TDP1: variants seen among roughly 807,000 people sequenced by gnomAD.
TDP1 encodes tyr-DNA phosphodiesterase 1.
TDP1 carries 64 observed loss-of-function variants against 81.5 expected under a neutral mutation model. The ratio of observed to expected loss-of-function variants is 0.79; its 90% confidence interval spans 0.64 to 0.97. The LOEUF (loss-of-function observed/expected upper bound fraction) is 0.97. Ranked by LOEUF, TDP1 falls within the 50% of genes least tolerant of loss-of-function variation. TDP1 has a pLI of 0.00. For missense variants in TDP1, 723 were observed against 743.8 expected, an observed-to-expected ratio of 0.97 and a Z score of 0.33; for synonymous variants, 256 against 264.3, an observed-to-expected ratio of 0.97 and a Z score of 0.30.
At chr14:89,957,900 G>A (rs1891845985) in intron 2 of TDP1, among the ~76,000 whole-genome samples, 1 of 152,184 alleles carries the variant, frequency 6.6e-6, no homozygotes, top group Admixed American at 6.5e-5. Flanking sequence ...GCTGCAGGAG[G>A]TGCCCTGCCC....
chr14:90,002,819 G>A (rs115356876), intron 14 of TDP1, among the ~76,000 whole-genome samples: 5,952 of 152,126 alleles, frequency 0.039, 384 homozygotes, highest in African/African-American at 0.13. Flanking sequence ...GCTGCAGTGA[G>A]TCATGATGGC....
chr14:90,036,816 T>TA (rs10645574), intron 16 of TDP1, among the ~76,000 whole-genome samples: 24,447 of 131,544 alleles, frequency 0.19, 5,585 homozygotes, highest in African/African-American at 0.55. Flanking sequence ...CCCCGCCCCT[T>TA]AAAAAAAAAA....
chr14:90,032,267 C>G (rs1887364631), intron 15 of TDP1, among the ~76,000 whole-genome samples: 2 of 152,138 alleles, frequency 1.3e-5, no homozygotes, highest in Admixed American at 1.3e-4. Context: ...AGTTGCACCT[C>G]AGTCTTTGTT....
chr14:90,033,307 C>A (rs1346958626), intron 16 of TDP1, 93 bp downstream of exon 16: 1 of 788,328 alleles, frequency 1.3e-6, no homozygotes. Flanking sequence ...GGGATCCTGG[C>A]TCATGGAACC....
chr14:89,988,515 G>A (rs1895819881), intron 10 of TDP1: 1 of 849,496 alleles, frequency 1.2e-6, no homozygotes, highest in Non-Finnish European at 1.4e-6. Flanking sequence ...CAGGGATGAA[G>A]ACCAAATACA....
intron 13 of TDP1, 30 bp from the exon 14 acceptor site, chr14:89,993,346 A>T (rs939056477): frequency 1.6e-5 from 25 of 1,555,612 alleles, no homozygotes; most frequent in Non-Finnish European, 2.1e-5. Context: ...TTATTTCATA[A>T]TTAGTAACTT....
chr14:89,988,964 G>A lies in TDP1; in HGVS notation c.1191G>A (p.Gln397=). 2 of 1,614,216 alleles carry A rather than the reference G, an allele frequency of 1.2e-6. No individual in the cohort carries two copies. Among genetic ancestry groups the A allele is most frequent in the Non-Finnish European group, 1.7e-6 (2 of 1,180,034 alleles). Residue 397 remains glutamine, a synonymous_variant, in exon 11 of 17, where the codon CAG becomes CAA. Coordinates refer to ENST00000335725, the MANE Select transcript of TDP1 (RefSeq NM_018319.4). ...CAGAGTCCTGGCCTGTCGTAGGTCA[G>A]TTTTCAAGCGTTGGCTCCTTGGGAG... ...PNAESWPVVG[Q]FSSVGSLGAD...
chr14:89,966,414 C>T (rs1216916530), intron 4 of TDP1, among the ~76,000 whole-genome samples: 1 of 152,180 alleles, frequency 6.6e-6, no homozygotes, highest in East Asian at 1.9e-4. Context: ...TCAAGTCAGC[C>T]TCCGCTGGCC....
chr14:89,981,308 A>G (rs929760040), intron 8 of TDP1, among the ~76,000 whole-genome samples: 6 of 152,350 alleles, frequency 3.9e-5, no homozygotes, highest in South Asian at 2.1e-4. Flanking sequence ...TTTTTAAACT[A>G]CTAACCCTCT....
In TDP1 at chr14:90,039,978, G is replaced by A. The variant is rs143357845; in HGVS notation, c.1754-3092G>A. Among the ~76,000 whole-genome samples, 382 of 152,248 alleles carry A rather than the reference G, an allele frequency of 2.5e-3. 1 individual carries two copies. The highest frequency in any genetic ancestry group is 8.7e-3 in the African/African-American group (363 of 41,548). ...GCCCACACCCCCTTTCCCGTTACAT[G>A]GTACTACCTCCCCGTGGAGAGCTAA... On this transcript the variant is annotated intron_variant, in intron 16 of 16. Transcript: ENST00000335725.
chr14:90,018,027 T>C (rs1885516462), intron 14 of TDP1, among the ~76,000 whole-genome samples: 1 of 152,196 alleles, frequency 6.6e-6, no homozygotes, highest in Non-Finnish European at 1.5e-5. Context: ...TTAGCTCTGA[T>C]TTCCACATTC....
intron 14 of TDP1, among the ~76,000 whole-genome samples, chr14:90,006,553 T>C (rs1014354522): frequency 1.3e-5 from 2 of 151,966 alleles, no homozygotes; most frequent in Non-Finnish European, 2.9e-5. Flanking sequence ...CTAATTTTTT[T>C]TGAGACAGAG....
intron 15 of TDP1, among the ~76,000 whole-genome samples, chr14:90,028,770 A>G (rs543950319): frequency 2.6e-5 from 4 of 152,332 alleles, no homozygotes; most frequent in Admixed American, 2.0e-4. Flanking sequence ...TCAGACAGGG[A>G]TAGTTCAAAC....
intron 14 of TDP1, among the ~76,000 whole-genome samples, chr14:90,018,645 G>A (rs540772773): frequency 7.0e-4 from 106 of 151,928 alleles, no homozygotes; most frequent in African/African-American, 2.2e-3. Flanking sequence ...TAGAAATGTG[G>A]TTTTGCCATC....
intron 6 of TDP1, 192 bp from the exon 7 acceptor site, chr14:89,975,589 T>TG (rs1894205768): frequency 5.5e-6 from 4 of 726,808 alleles, no homozygotes; most frequent in African/African-American, 1.9e-5. Flanking sequence ...GTGTTTTTTT[T>TG]TTTTTTTTTT....
At chr14:89,957,785 TCACA>T (rs1171399597) in intron 2 of TDP1, among the ~76,000 whole-genome samples, 1 of 152,246 alleles carries the variant, frequency 6.6e-6, no homozygotes, top group Non-Finnish European at 1.5e-5. Flanking sequence ...CAAATTTCAC[TCACA>T]CTCACCTGCC....
chr14:90,019,416 T>G lies in TDP1; in HGVS notation c.1642T>G (p.Phe548Val). The change falls in exon 15 of 17, where the codon TTT becomes GTT. Residue 548 changes from phenylalanine (F) to valine (V), a missense_variant and splice_region_variant. Phe to Val is a conservative substitution (Grantham distance 50). Coordinates refer to ENST00000335725, the MANE Select transcript of TDP1 (RefSeq NM_018319.4). ...ELGVLFLPSAFGLDSFKVKQK... is the reference protein window; with the variant it reads ...ELGVLFLPSAVGLDSFKVKQK... ...CGGGGTCCTTTTCCTCCCTTCAGCATTTGTAAGTTTACACTTCCAACTGCA... is the reference window on the plus strand; with the variant it reads ...CGGGGTCCTTTTCCTCCCTTCAGCAGTTGTAAGTTTACACTTCCAACTGCA... 1 of 1,569,880 alleles carries G rather than the reference T, an allele frequency of 6.4e-7. No individual in the cohort carries two copies.
intron 15 of TDP1, among the ~76,000 whole-genome samples, chr14:90,032,117 G>C (rs1490253617): frequency 6.6e-6 from 1 of 152,166 alleles, no homozygotes. Context: ...AGTGTCGAAT[G>C]AACGAATGTG....
chr14:89,992,100 A>C, intron 13 of TDP1, 117 bp downstream of exon 13: 4 of 846,122 alleles, frequency 4.7e-6, no homozygotes, highest in South Asian at 3.3e-5. Context: ...ATATTCTTTC[A>C]TCTACATATG....
Sources: gnomAD v4.1 joint callset for allele counts (sites outside exome capture counted in the v4.1 genomes callset) on GRCh38, gnomAD v4.1.1 for gene constraint, MANE v1.5 for transcripts, NCBI Gene and HGNC (gene_info 2026-07-23, HGNC 2026-07-21) for gene names.